The following SSU72 variants were observed in gnomAD, a reference collection of about 807,000 sequenced individuals.
The protein encoded by SSU72 is SSU72 homolog, RNA polymerase II CTD phosphatase.
In SSU72, 12 loss-of-function variants were observed where a neutral mutation model predicts 22.7. The ratio of observed to expected loss-of-function variants is 0.53; its 90% CI spans 0.34 to 0.86. The LOEUF is 0.86. SSU72 is among the 40% of genes least tolerant of loss of function. The probability of loss-of-function intolerance (pLI) is 0.02; values close to 1 mark genes in which losing one functional copy is unlikely to be tolerated. For synonymous variants in SSU72, 116 were observed against 98.3 expected (o/e 1.18, Z -1.06); for missense variants, 151 against 249.8 (o/e 0.60, Z 2.67).
At chr1:1,558,888 G>C (rs1642551544) in intron 2 of SSU72, among the ~76,000 whole-genome samples, 1 of 152,234 alleles carries the variant, frequency 6.6e-6, no homozygotes, top group Non-Finnish European at 1.5e-5. Context: ...CTTAGAAACA[G>C]AAGTCACTTG....
At chr1:1,564,555 TGTCTGTGCGCCTCA>T (rs1413449949) in intron 2 of SSU72, 1 of 1,572,256 alleles carries the variant, frequency 6.4e-7, no homozygotes. Flanking sequence ...CCCCACACCG[TGTCTGTGCGCCTCA>T]CCACGCCTAC....
At chr1:1,568,109 C>T (rs1244728717) in intron 1 of SSU72, among the ~76,000 whole-genome samples, 1 of 152,134 alleles carries the variant, frequency 6.6e-6, no homozygotes, top group African/African-American at 2.4e-5. Flanking sequence ...GGCTATTTAG[C>T]AACAGAAGCA....
chr1:1,551,681 A>T (rs930098055), intron 2 of SSU72, among the ~76,000 whole-genome samples: 1 of 152,180 alleles, frequency 6.6e-6, no homozygotes, highest in African/African-American at 2.4e-5. Flanking sequence ...CGATTCGCGG[A>T]CGCCAACGGC....
intron 3 of SSU72, among the ~76,000 whole-genome samples, chr1:1,544,323 C>A (rs971849649): frequency 3.9e-5 from 6 of 152,164 alleles, no homozygotes; most frequent in African/African-American, 1.4e-4. Context: ...AGGGTCCATC[C>A]GCTTGAAAAA....
chr1:1,549,281 C>A (rs1026359682), intron 2 of SSU72, among the ~76,000 whole-genome samples: 1 of 149,992 alleles, frequency 6.7e-6, no homozygotes, highest in African/African-American at 2.5e-5. Flanking sequence ...CAGAACTTTG[C>A]GAGGCCGAGG....
At chr1:1,569,796 C>G (rs1447356828) in intron 1 of SSU72, among the ~76,000 whole-genome samples, 3 of 152,156 alleles carry the variant, frequency 2.0e-5, no homozygotes, top group Admixed American at 6.6e-5. Context: ...AGCCACCTTG[C>G]CAGGCCCAAA....
intron 1 of SSU72, among the ~76,000 whole-genome samples, chr1:1,570,201 G>A (rs746200502): frequency 7.2e-5 from 11 of 151,744 alleles, no homozygotes; most frequent in Non-Finnish European, 1.3e-4. Flanking sequence ...CGCTGAGGCA[G>A]GAGGATCGTT....
chr1:1,569,505 T>C (rs994653258), intron 1 of SSU72, among the ~76,000 whole-genome samples: 1 of 152,134 alleles, frequency 6.6e-6, no homozygotes, highest in Non-Finnish European at 1.5e-5. Context: ...TGTGTCTGTT[T>C]TTAGAGACAG....
chr1:1,574,460 A>G lies in SSU72; in HGVS notation c.80+18T>C. 6.3e-7 allele frequency: 1 copy of G among 1,588,458 alleles called. No individual in the cohort carries two copies. The highest frequency in any genetic ancestry group is 8.5e-7 in the Non-Finnish European group (1 of 1,169,924). On this transcript the variant is annotated intron_variant, in intron 1 of 4. Transcript: ENST00000291386. ...TCGCCGGAGCAGAGCGCGCGGGGAC[A>G]GGGTGGAGCCCAACTACCTGAGGAT... is the stretch of plus-strand genomic sequence containing the variant.
In SSU72 at chr1:1,542,381, G is replaced by A. The variant is rs896821771; in HGVS notation, c.484-214C>T. Among the ~76,000 whole-genome samples the A allele has an allele frequency of 6.6e-6, 1 of 152,122 alleles. No individual in the cohort carries two copies. Among genetic ancestry groups the A allele is most frequent in the African/African-American group, 2.4e-5 (1 of 41,430 alleles). On this transcript the variant is annotated intron_variant, in intron 4 of 4. Transcript: ENST00000291386. This position sits in a 1 kb window ranked among gnomAD's most constrained non-coding sequence, Gnocchi z 4.4. ...CCCACCTCCCCACCGACCCTCACAG[G>A]ACCTGAAGCTGGGAGGAGCTGGGAG...
chr1:1,557,943 G>C (rs116049239), intron 2 of SSU72, among the ~76,000 whole-genome samples: 192 of 152,188 alleles, frequency 1.3e-3, no homozygotes, highest in African/African-American at 4.4e-3. Context: ...AGGTGCAGTG[G>C]CAACCCCTAT....
In SSU72 at chr1:1,574,822, G is replaced by A; in HGVS notation, c.-265C>T. On this transcript the variant is annotated 5_prime_UTR_variant, in exon 1 of 5. Coordinates refer to ENST00000291386, the MANE Select transcript of SSU72 (RefSeq NM_014188.3). The stretch of plus-strand genomic sequence containing the variant: ...AACGCCGCGCCGGCCCCCGGCGTCC[G>A]CAGCAGAGACCCGCACTCCACAAGG... 1 of 262,572 alleles carries A rather than the reference G, an allele frequency of 3.8e-6. No homozygotes were observed. The highest frequency in any genetic ancestry group is 2.4e-5 in the African/African-American group (1 of 42,124). 16.3% of individuals were successfully genotyped at this position (262,572 alleles called of 1,614,324 possible).
intron 2 of SSU72, among the ~76,000 whole-genome samples, chr1:1,550,743 G>A (rs1035457082): frequency 3.9e-5 from 6 of 152,318 alleles, no homozygotes; most frequent in African/African-American, 1.2e-4. Context: ...CCACACCAGG[G>A]AGGACAAGCC....
intron 2 of SSU72, chr1:1,546,166 C>T (rs1344902656): frequency 6.6e-6 from 1 of 152,246 alleles, no homozygotes; most frequent in Admixed American, 6.5e-5. Context: ...TTGAGCCATT[C>T]CAGATGGTCA....
At chr1:1,573,072 T>C (rs549866269) in intron 1 of SSU72, among the ~76,000 whole-genome samples, 40 of 149,922 alleles carry the variant, frequency 2.7e-4, no homozygotes, top group African/African-American at 9.3e-4. Context: ...GCAGATCACC[T>C]GAGGTCAGGA....
intron 2 of SSU72, chr1:1,545,369 C>A: frequency 4.0e-6 from 1 of 247,924 alleles, no homozygotes; most frequent in South Asian, 5.8e-5. Flanking sequence ...TCTCCGCAGT[C>A]GGATCCTTCT....
chr1:1,553,791 CAAAA>C (rs33931848), intron 2 of SSU72, among the ~76,000 whole-genome samples: 4 of 106,236 alleles, frequency 3.8e-5, no homozygotes, highest in East Asian at 2.4e-4. Context: ...GACTCCGTCT[CAAAA>C]AAAAAAAAAA....
In SSU72 at chr1:1,544,739, C is replaced by G. The variant is rs777297056; in HGVS notation, c.364+124G>C. The G allele has an allele frequency of 5.7e-6, 8 of 1,405,738 alleles. No homozygotes were observed. The South Asian group carries it at 8.1e-5, about 14-fold the overall frequency. 87.1% of individuals were successfully genotyped at this position (1,405,738 alleles called of 1,614,324 possible). A position where few individuals can be genotyped will look rare whatever the true frequency, so the allele number is the denominator to read the frequency against. ...CCTGCCTTCCAGGGTGCTTCACACTCAGGTCTGCTCCCCGGCCCCCGCCAC... is the reference window on the plus strand; with the variant it reads ...CCTGCCTTCCAGGGTGCTTCACACTGAGGTCTGCTCCCCGGCCCCCGCCAC... On this transcript the variant is annotated intron_variant, in intron 3 of 4. Transcript: ENST00000291386.
At chr1:1,570,711 C>G (rs936660997) in intron 1 of SSU72, among the ~76,000 whole-genome samples, 3 of 152,214 alleles carry the variant, frequency 2.0e-5, no homozygotes, top group African/African-American at 7.2e-5. Flanking sequence ...ATGGAGCAGA[C>G]AACAGAACAA....
Sources: allele counts gnomAD v4.1 joint callset (sites outside exome capture counted in the v4.1 genomes callset), GRCh38; gene constraint gnomAD v4.1.1; non-coding constraint Gnocchi (gnomAD v3.1); transcripts MANE v1.5; gene names NCBI Gene and HGNC (gene_info 2026-07-23, HGNC 2026-07-21).